GCH1: variants seen among roughly 807,000 people sequenced by gnomAD.
GCH1 encodes GTP cyclohydrolase I.
Under a neutral mutation model 25.9 loss-of-function variants are expected in GCH1, and 5 were observed. The ratio of observed to expected loss-of-function variants is 0.19; its 90% CI spans 0.10 to 0.41. The LOEUF (loss-of-function observed/expected upper bound fraction) is 0.41. Among genes scored for constraint, GCH1 ranks in the 10% least tolerant of loss-of-function variants. The pLI, the probability that GCH1 is intolerant of heterozygous loss-of-function variation, is 1.00. For synonymous variants in GCH1, 159 were observed against 129.6 expected, an observed-to-expected ratio of 1.23 and a Z score of -1.54; for missense variants, 261 against 336.5, an observed-to-expected ratio of 0.78 and a Z score of 1.75.
chr14:54,858,603 A>T (rs979701956), intron 3 of GCH1, among the ~76,000 whole-genome samples: 1 of 151,974 alleles, frequency 6.6e-6, no homozygotes, highest in Admixed American at 6.6e-5. Context: ...ATTTATTTCA[A>T]TTATGATATG....
chr14:54,886,337 G>A (rs935816617), intron 1 of GCH1: 1 of 152,580 alleles, frequency 6.6e-6, no homozygotes, highest in Admixed American at 6.5e-5. Flanking sequence ...TATAGGCCGG[G>A]CGCGGTGGCT....
Position 54,902,651 on chromosome 14 carries a change from G to C in GCH1, c.13C>G (p.Pro5Ala), listed in dbSNP as rs2040587976. Residue 5 changes from proline to alanine, a missense_variant, in exon 1 of 6, where the codon CCT becomes GCT. Pro to Ala is a conservative substitution (Grantham distance 27). This residue lies in a region of GCH1 where 125 missense variants were observed against 128.7 expected (regional missense o/e 0.97). Transcript: ENST00000491895. MEKG[P>A]VRAPAEKPRG... ...GGCTTCTCCGCCGGTGCCCGCACAG[G>C]GCCCTTCTCCATGGACCCGCCGCAG... is the stretch of plus-strand genomic sequence containing the variant. 1.4e-6 allele frequency: 2 copies of C among 1,476,612 alleles called. No homozygotes were observed. The highest frequency in any genetic ancestry group is 2.6e-5 in the South Asian group (2 of 77,114). The allele number at this position is 1,476,612 out of a possible 1,614,324, so 91.5% of individuals were successfully genotyped here.
intron 1 of GCH1, among the ~76,000 whole-genome samples, chr14:54,883,066 T>C (rs1397355242): frequency 6.6e-6 from 1 of 152,076 alleles, no homozygotes; most frequent in Non-Finnish European, 1.5e-5. Flanking sequence ...TGAGGGTACA[T>C]GAGGGTTGAA....
rs75881480 is a variant in GCH1 at position 54,863,848 on chromosome 14, G to GTTTGTTTGT, written c.453+1478_453+1479insACAAACAAA. 7.7e-4 allele frequency among the ~76,000 whole-genome samples: 116 copies of GTTTGTTTGT among 151,512 alleles called. 1 individual carries two copies. Among genetic ancestry groups the GTTTGTTTGT allele is most frequent in the African/African-American group, 2.8e-3 (116 of 41,158 alleles). On this transcript the variant is annotated intron_variant, in intron 2 of 5. Transcript: ENST00000491895. ...ATATTGTAGTTGTGGGGGTTTCGTT[G>GTTTGTTTGT]TTGTTTGTTTGTTTGTTTGTTTGAC...
At chr14:54,888,986 G>A (rs1407299014) in intron 1 of GCH1, among the ~76,000 whole-genome samples, 5 of 152,226 alleles carry the variant, frequency 3.3e-5, no homozygotes, top group Admixed American at 3.3e-4. Flanking sequence ...TGTGGTGGAG[G>A]AGGGGTAGAA....
At chr14:54,869,746 C>T (rs1259416507) in intron 1 of GCH1, among the ~76,000 whole-genome samples, 1 of 152,202 alleles carries the variant, frequency 6.6e-6, no homozygotes, top group African/African-American at 2.4e-5. Flanking sequence ...TCCCAAAGTG[C>T]TGGGATTACA....
chr14:54,847,751 G>C (rs1321373078), intron 3 of GCH1, among the ~76,000 whole-genome samples: 1 of 151,990 alleles, frequency 6.6e-6, no homozygotes, highest in East Asian at 1.9e-4. Context: ...CTGCAGAGTG[G>C]TGCTTCCTGA....
chr14:54,863,738 G>A (rs1452146905), intron 2 of GCH1, among the ~76,000 whole-genome samples: 1 of 151,992 alleles, frequency 6.6e-6, no homozygotes, highest in East Asian at 1.9e-4. Context: ...GAATCCATAG[G>A]GTTATAAGTT....
chr14:54,894,360 G>A (rs75247760), intron 1 of GCH1, among the ~76,000 whole-genome samples: 2,064 of 152,202 alleles, frequency 0.014, 37 homozygotes, highest in South Asian at 0.043. Flanking sequence ...ATCAACTGAC[G>A]GCCACCACCA....
chr14:54,862,377 C>CTTTT lies in GCH1; in HGVS notation c.454-2642_454-2641insAAAA, dbSNP rs1491222719. On this transcript the variant is annotated intron_variant, in intron 2 of 5. Transcript: ENST00000491895. ...TCTTCAGCACCCTTATGAAGCACTA[C>CTTTT]TCTTTTTTTTTTTTTTTTTTTTTTT... Among the ~76,000 whole-genome samples, 18 of 115,812 alleles carry CTTTT rather than the reference C, an allele frequency of 1.6e-4. 2 individuals are homozygous for CTTTT. The highest frequency in any genetic ancestry group is 5.2e-4 in the African/African-American group (14 of 26,680). The allele number at this position is 115,812 out of a possible 152,430, so 76.0% of individuals were successfully genotyped here.
At chr14:54,863,741 T>C (rs575233884) in intron 2 of GCH1, among the ~76,000 whole-genome samples, 1 of 152,286 alleles carries the variant, frequency 6.6e-6, no homozygotes, top group African/African-American at 2.4e-5. Context: ...TCCATAGGGT[T>C]ATAAGTTGAT....
chr14:54,858,618 C>T (rs1283996047), intron 3 of GCH1, among the ~76,000 whole-genome samples: 1 of 151,640 alleles, frequency 6.6e-6, no homozygotes, highest in African/African-American at 2.4e-5. Flanking sequence ...GATATGGTCA[C>T]TATAACCTCA....
At chr14:54,887,979 T>A (rs1485988542) in intron 1 of GCH1, among the ~76,000 whole-genome samples, 1 of 152,184 alleles carries the variant, frequency 6.6e-6, no homozygotes, top group Non-Finnish European at 1.5e-5. Context: ...TGAAGCTTTA[T>A]TAATAAACTA....
chr14:54,854,641 C>T (rs1325934154), intron 3 of GCH1, among the ~76,000 whole-genome samples: 1 of 152,128 alleles, frequency 6.6e-6, no homozygotes, highest in African/African-American at 2.4e-5. Flanking sequence ...TAGCACCTGA[C>T]CTGACTGCTT....
intron 1 of GCH1, among the ~76,000 whole-genome samples, chr14:54,891,515 T>A (rs2040422953): frequency 6.6e-6 from 1 of 151,716 alleles, no homozygotes; most frequent in Non-Finnish European, 1.5e-5. Context: ...GTTCAAGTGA[T>A]TCTCGTGCCT....
At position 54,855,334 on chromosome 14, in the gene GCH1, C is replaced by T. The variant is rs150767767; in HGVS notation, c.509+4347G>A. On this transcript the variant is annotated intron_variant, in intron 3 of 5. Transcript: ENST00000491895. The stretch of plus-strand genomic sequence containing the variant: ...CAGTCTTGCCAACATGTTGAAACCC[C>T]ATCTCTACTAAAAATACAAAAATTA... Among the ~76,000 whole-genome samples the T allele has an allele frequency of 3.3e-3, 504 of 151,894 alleles. 4 individuals carry two copies. Among genetic ancestry groups the T allele is most frequent in the Non-Finnish European group, 2.6e-3 (176 of 67,968 alleles).
At chr14:54,857,521 T>C (rs1025401621) in intron 3 of GCH1, among the ~76,000 whole-genome samples, 3 of 152,160 alleles carry the variant, frequency 2.0e-5, no homozygotes, top group South Asian at 4.2e-4. Context: ...GGACAGTCTG[T>C]TATAGGCATC....
At position 54,898,915 on chromosome 14, in the gene GCH1, T is replaced by G. The variant is rs993584907; in HGVS notation, c.343+3406A>C. 5.3e-5 allele frequency among the ~76,000 whole-genome samples: 8 copies of G among 152,162 alleles called. 1 individual carries two copies. Among genetic ancestry groups the G allele is most frequent in the Non-Finnish European group, 1.5e-5 (1 of 68,028 alleles). On this transcript the variant is annotated intron_variant, in intron 1 of 5. Transcript: ENST00000491895. ...CTGGGATTACAGGTGTGAGCCACCA[T>G]GCCTGGCCCAATTTTCTTAATTTTT...
chr14:54,886,846 AGG>A (rs780197079), intron 1 of GCH1, among the ~76,000 whole-genome samples: 46 of 152,140 alleles, frequency 3.0e-4, no homozygotes, highest in African/African-American at 9.9e-4. Flanking sequence ...AACACGCATC[AGG>A]GGTTATTGTA....
Sources: allele counts gnomAD v4.1 joint callset (sites outside exome capture counted in the v4.1 genomes callset), GRCh38; gene constraint gnomAD v4.1.1; regional missense constraint gnomAD v4.1.1; transcripts MANE v1.5; gene names NCBI Gene and HGNC (gene_info 2026-07-23, HGNC 2026-07-21).